Variants in DPP6 observed in about 807,000 individuals in gnomAD.
DPP6 encodes A-type potassium channel modulatory protein DPP6.
A neutral mutation model predicts 122.6 loss-of-function variants in DPP6; 69 were observed. The ratio of observed to expected loss-of-function variants is 0.56; its 90% CI spans 0.46 to 0.69. The LOEUF is 0.69. Ranked by LOEUF, DPP6 falls within the 30% of genes least tolerant of loss-of-function variation. The pLI, the probability that DPP6 is intolerant of heterozygous loss-of-function variation, is 0.00. For missense variants in DPP6, 928 were observed against 1,116.9 expected (o/e 0.83, Z 2.41); for synonymous variants, 418 against 433.1 (o/e 0.97, Z 0.43).
the DPP6 span, among the ~76,000 whole-genome samples, chr7:153,797,972 G>A: frequency 6.6e-6 from 1 of 152,134 alleles, no homozygotes; most frequent in Non-Finnish European, 1.5e-5. Context: ...CTCCCAAGTA[G>A]CTGTAACTAC....
intron 1 of DPP6, among the ~76,000 whole-genome samples, chr7:154,060,513 G>A (rs1238357551): frequency 7.2e-6 from 1 of 139,362 alleles, no homozygotes; most frequent in African/African-American, 2.8e-5. Context: ...GACCCACCTG[G>A]AGGACTGCGG....
rs547746849 is a variant in DPP6, at chr7:154,850,741, G to T, written c.1667-3039G>T. ...TTATCCAATTTGTTGCCATGTAATT[G>T]TTCATAGTAGTCGCTTAAGATCCTT... On this transcript the variant is annotated intron_variant, in intron 16 of 25. Transcript: ENST00000377770. Among the ~76,000 whole-genome samples, 5 of 152,244 alleles carry T rather than the reference G, an allele frequency of 3.3e-5. No homozygotes were observed. The South Asian group carries it at 8.3e-4, about 25-fold the overall frequency.
intron 2 of DPP6, among the ~76,000 whole-genome samples, chr7:154,460,414 G>A (rs1049893547): frequency 1.1e-4 from 17 of 152,056 alleles, no homozygotes; most frequent in African/African-American, 4.1e-4. Flanking sequence ...AACCTATAAT[G>A]CTATTTCAAG....
At chr7:153,885,508 G>T (rs1159233548), upstream of DPP6, among the ~76,000 whole-genome samples, 5 of 152,052 alleles carry the variant, frequency 3.3e-5, no homozygotes, top group African/African-American at 1.2e-4. Flanking sequence ...CTGAGAAGGC[G>T]CCATCTGTGA....
intron 1 of DPP6, among the ~76,000 whole-genome samples, chr7:154,015,993 G>C (rs1266002696): frequency 6.6e-6 from 1 of 152,036 alleles, no homozygotes; most frequent in East Asian, 1.9e-4. Flanking sequence ...CCTTTTCCCT[G>C]CACACTCCAT....
intron 17 of DPP6, among the ~76,000 whole-genome samples, chr7:154,864,417 C>T (rs1803681337): frequency 6.6e-6 from 1 of 152,210 alleles, no homozygotes; most frequent in South Asian, 2.1e-4. Context: ...TGCGGTCTCA[C>T]TGTGTCCAGA....
At chr7:154,582,844 C>G (rs768125471) in intron 5 of DPP6, among the ~76,000 whole-genome samples, 9 of 152,160 alleles carry the variant, frequency 5.9e-5, no homozygotes, top group Non-Finnish European at 1.2e-4. Context: ...AATGAGTGCT[C>G]AGGGCTCAGC....
At chr7:154,357,140 A>G (rs1563537826) in intron 1 of DPP6, among the ~76,000 whole-genome samples, 2 of 152,030 alleles carry the variant, frequency 1.3e-5, no homozygotes, top group Admixed American at 6.6e-5. Flanking sequence ...GCTGACCTAT[A>G]GTAAAAGCAA....
intron 1 of DPP6, among the ~76,000 whole-genome samples, chr7:154,438,724 T>C (rs954417288): frequency 6.6e-6 from 1 of 152,176 alleles, no homozygotes; most frequent in Non-Finnish European, 1.5e-5. Flanking sequence ...AAATCTGCTT[T>C]ATTTCCTTTG....
chr7:154,619,043 A>AC (rs1834457699), intron 5 of DPP6, among the ~76,000 whole-genome samples: 1 of 152,102 alleles, frequency 6.6e-6, no homozygotes, highest in Non-Finnish European at 1.5e-5. Context: ...CCCTCCACAC[A>AC]TTCTCCTGCC....
At chr7:154,574,800 GTT>G (rs1185783366) in intron 5 of DPP6, among the ~76,000 whole-genome samples, 8 of 90,622 alleles carry the variant, frequency 8.8e-5, no homozygotes, top group East Asian at 2.1e-3. Context: ...TGTGGTGTGT[GTT>G]TGTGTGTGTG....
intron 1 of DPP6, among the ~76,000 whole-genome samples, chr7:153,914,076 G>A (rs1327530917): frequency 1.3e-5 from 2 of 152,060 alleles, no homozygotes; most frequent in Non-Finnish European, 2.9e-5. Flanking sequence ...TAATTCCCAC[G>A]TGTTGTGGGA....
intron 1 of DPP6, among the ~76,000 whole-genome samples, chr7:154,362,878 A>T (rs1034541985): frequency 6.6e-6 from 1 of 152,188 alleles, no homozygotes; most frequent in Non-Finnish European, 1.5e-5. Context: ...CTACATCAGC[A>T]TCAACTGGAG....
intron 5 of DPP6, among the ~76,000 whole-genome samples, chr7:154,594,502 C>T (rs1203534680): frequency 6.6e-6 from 1 of 152,106 alleles, no homozygotes; most frequent in African/African-American, 2.4e-5. Context: ...CAATAATTGT[C>T]CTTCTCACCC....
At position 154,875,759 on chromosome 7, in the gene DPP6, G is replaced by A; in HGVS notation, c.1884-147G>A. ...GATAACACCTGGCTCACCTGCCCGG[G>A]GCAACAGAATCTGGGGTATGGAGTT... On this transcript the variant is annotated intron_variant, in intron 19 of 25. Coordinates refer to ENST00000377770, the MANE Select transcript of DPP6 (RefSeq NM_130797.4). This position sits in a 1 kb window ranked among gnomAD's most constrained non-coding sequence, Gnocchi z 4.5. The A allele has an allele frequency of 1.6e-6, 2 of 1,233,098 alleles. No individual in the cohort carries two copies. Among genetic ancestry groups the A allele is most frequent in the Non-Finnish European group, 2.2e-6 (2 of 906,918 alleles). 76.4% of individuals were successfully genotyped at this position (1,233,098 alleles called of 1,614,324 possible). A position where few individuals can be genotyped will look rare whatever the true frequency, so the allele number is the denominator to read the frequency against.
At chr7:153,860,902 G>A in the DPP6 span, among the ~76,000 whole-genome samples, 1 of 152,178 alleles carries the variant, frequency 6.6e-6, no homozygotes, top group African/African-American at 2.4e-5. Flanking sequence ...ACAAAGCAGA[G>A]GAGAGGCAAG....
chr7:154,399,077 G>C (rs889041809), intron 1 of DPP6, among the ~76,000 whole-genome samples: 2 of 152,278 alleles, frequency 1.3e-5, no homozygotes, highest in East Asian at 1.9e-4. Context: ...CGTCAACCCA[G>C]TGTTGATTCT....
chr7:154,556,589 T>C (rs778019222), intron 4 of DPP6, among the ~76,000 whole-genome samples: 1 of 152,170 alleles, frequency 6.6e-6, no homozygotes, highest in Non-Finnish European at 1.5e-5. Context: ...AGTCTATAAT[T>C]TGGTTTCATA....
At chr7:154,632,662 T>C (rs1031371135) in intron 5 of DPP6, among the ~76,000 whole-genome samples, 2 of 152,118 alleles carry the variant, frequency 1.3e-5, no homozygotes, top group Non-Finnish European at 2.9e-5. Context: ...GAGTTACTGA[T>C]ATTTAGGTAA....
Sources: gnomAD v4.1 joint callset for allele counts (sites outside exome capture counted in the v4.1 genomes callset) on GRCh38, gnomAD v4.1.1 for gene constraint, Gnocchi (gnomAD v3.1) non-coding constraint, MANE v1.5 for transcripts, NCBI Gene and HGNC (gene_info 2026-07-23, HGNC 2026-07-21) for gene names.